Variants in CMIP observed in about 807,000 individuals in gnomAD.
CMIP encodes c-Maf inducing protein.
In CMIP, 13 loss-of-function variants were observed where a neutral mutation model predicts 97.3. That is an observed-to-expected ratio of 0.13 (90% confidence interval 0.09 to 0.21). The LOEUF (loss-of-function observed/expected upper bound fraction) is 0.21. Among genes scored for constraint, CMIP ranks in the 10% least tolerant of loss-of-function variants. The probability of loss-of-function intolerance (pLI) is 1.00; values close to 1 mark genes in which losing one functional copy is unlikely to be tolerated. For missense variants in CMIP, 847 were observed against 1,024.9 expected (o/e 0.83, Z 2.37); for synonymous variants, 538 against 436.3 (o/e 1.23, Z -2.91).
At chr16:81,677,265 G>A (rs775908619) in intron 9 of CMIP, among the ~76,000 whole-genome samples, 14 of 152,144 alleles carry the variant, frequency 9.2e-5, no homozygotes, top group Non-Finnish European at 1.9e-4. Context: ...GGGCTTTGGG[G>A]TCCAGGAGAT....
At chr16:81,545,081 A>C (rs1489817496) in intron 1 of CMIP, among the ~76,000 whole-genome samples, 1 of 152,036 alleles carries the variant, frequency 6.6e-6, no homozygotes, top group African/African-American at 2.4e-5. Flanking sequence ...GTAAACTCCT[A>C]GACTCCTAGA....
intron 1 of CMIP, among the ~76,000 whole-genome samples, chr16:81,562,860 T>C (rs2090910782): frequency 6.6e-6 from 1 of 152,228 alleles, no homozygotes; most frequent in Non-Finnish European, 1.5e-5. Flanking sequence ...AGCAGCCAAG[T>C]AGGAGAGGCA....
intron 7 of CMIP, among the ~76,000 whole-genome samples, chr16:81,669,647 TCA>T (rs926177885): frequency 2.7e-5 from 3 of 112,866 alleles, no homozygotes; most frequent in Admixed American, 8.9e-5. Flanking sequence ...CACACCCACC[TCA>T]CACCTTCCAC....
At chr16:81,584,839 A>T (rs1157980307) in intron 1 of CMIP, among the ~76,000 whole-genome samples, 1 of 152,222 alleles carries the variant, frequency 6.6e-6, no homozygotes, top group Non-Finnish European at 1.5e-5. Flanking sequence ...GAAGGGGTTC[A>T]TGTGGCTGTG....
intron 1 of CMIP, among the ~76,000 whole-genome samples, chr16:81,591,090 T>TC (rs1333994606): frequency 5.9e-5 from 9 of 152,190 alleles, no homozygotes; most frequent in African/African-American, 2.2e-4. Context: ...TTTGCTAAGC[T>TC]CTGATTTAGA....
intron 1 of CMIP, among the ~76,000 whole-genome samples, chr16:81,573,800 G>A (rs1043193845): frequency 6.6e-6 from 1 of 152,200 alleles, no homozygotes; most frequent in Non-Finnish European, 1.5e-5. Flanking sequence ...ATTTGTGCCA[G>A]TTAAGTGAGT....
intron 1 of CMIP, chr16:81,519,371 C>T (rs2150803238): frequency 6.6e-6 from 1 of 152,386 alleles, no homozygotes; most frequent in South Asian, 2.1e-4. Flanking sequence ...GCTGTAGCTG[C>T]TTCAATTTGA....
In CMIP at chr16:81,687,610, A is replaced by G. The variant is rs1408466555; in HGVS notation, c.1389-4165A>G. ...TGCTGGTGACTTGTGGGAAATCACA[A>G]ACAGCTCTGAGCCTCATTTTCCTCG... On this transcript the variant is annotated intron_variant, in intron 10 of 20. Transcript: ENST00000537098. Among the ~76,000 whole-genome samples, 3 of 152,102 alleles carry G rather than the reference A, an allele frequency of 2.0e-5. No homozygotes were observed. In the East Asian group the frequency reaches 5.8e-4, roughly 29 times the overall value.
chr16:81,677,637 C>G (rs1200560317), intron 9 of CMIP, among the ~76,000 whole-genome samples: 1 of 152,196 alleles, frequency 6.6e-6, no homozygotes, highest in African/African-American at 2.4e-5. Flanking sequence ...TTAATAATGC[C>G]ATAGAGCCCC....
chr16:81,562,091 G>A (rs981954737), intron 1 of CMIP, among the ~76,000 whole-genome samples: 1 of 152,218 alleles, frequency 6.6e-6, no homozygotes, highest in South Asian at 2.1e-4. Context: ...AGGAAGGGAA[G>A]TGAGGGTTCC....
chr16:81,460,278 A>G (rs1195287703), intron 1 of CMIP, among the ~76,000 whole-genome samples: 2 of 151,912 alleles, frequency 1.3e-5, no homozygotes, highest in Non-Finnish European at 2.9e-5. Flanking sequence ...GAGGAGGGTG[A>G]GTGGGCTATT....
intron 11 of CMIP, among the ~76,000 whole-genome samples, chr16:81,692,399 T>G (rs1014099556): frequency 1.3e-5 from 2 of 152,150 alleles, no homozygotes; most frequent in Non-Finnish European, 2.9e-5. Context: ...CACTGGAAAC[T>G]AGAGAGAACG....
chr16:81,486,293 CTG>C (rs1337230493), intron 1 of CMIP, among the ~76,000 whole-genome samples: 2 of 151,936 alleles, frequency 1.3e-5, no homozygotes, highest in East Asian at 3.9e-4. Flanking sequence ...CATGCGCACT[CTG>C]TGTTCAGGGC....
chr16:81,673,577 C>T (rs1044365051), intron 9 of CMIP, among the ~76,000 whole-genome samples: 2 of 152,150 alleles, frequency 1.3e-5, no homozygotes, highest in African/African-American at 4.8e-5. Context: ...AGGCAGCTGG[C>T]ATGCACTCCC....
At chr16:81,649,471 T>C (rs935054042) in intron 3 of CMIP, among the ~76,000 whole-genome samples, 2 of 152,248 alleles carry the variant, frequency 1.3e-5, no homozygotes, top group Non-Finnish European at 2.9e-5. Flanking sequence ...AACAGGAGAT[T>C]GTACTCATGG....
intron 3 of CMIP, among the ~76,000 whole-genome samples, chr16:81,623,205 C>G (rs1227118177): frequency 2.0e-5 from 3 of 152,046 alleles, no homozygotes; most frequent in Non-Finnish European, 4.4e-5. Flanking sequence ...CCCCCATGCC[C>G]CACCCCAAAA....
At chr16:81,477,867 A>G (rs549983635) in intron 1 of CMIP, among the ~76,000 whole-genome samples, 6 of 152,300 alleles carry the variant, frequency 3.9e-5, no homozygotes, top group Non-Finnish European at 8.8e-5. Context: ...TTTCGTTTGC[A>G]TTCCAGTTAG....
chr16:81,508,253 G>C (rs1280679739), intron 1 of CMIP, among the ~76,000 whole-genome samples: 6 of 152,202 alleles, frequency 3.9e-5, no homozygotes, highest in Non-Finnish European at 8.8e-5. Context: ...CTGTGGCCCG[G>C]CTGGCTTATC....
At chr16:81,562,230 T>G (rs1349895618) in intron 1 of CMIP, among the ~76,000 whole-genome samples, 1 of 152,212 alleles carries the variant, frequency 6.6e-6, no homozygotes, top group Non-Finnish European at 1.5e-5. Context: ...TCGGATCTCC[T>G]GGGACCCTCA....
Sources: gnomAD v4.1 joint callset for allele counts (sites outside exome capture counted in the v4.1 genomes callset) on GRCh38, gnomAD v4.1.1 for gene constraint, MANE v1.5 for transcripts, NCBI Gene and HGNC (gene_info 2026-07-23, HGNC 2026-07-21) for gene names.